Variants in ATRN observed in about 807,000 individuals in gnomAD.
ATRN encodes the protein attractin-2.
Under a neutral mutation model 178.7 loss-of-function variants are expected in ATRN, and 54 were observed. The ratio of observed to expected loss-of-function variants is 0.30; its 90% CI spans 0.24 to 0.38. The LOEUF is 0.38. Among genes scored for constraint, ATRN ranks in the 10% least tolerant of loss-of-function variants. The probability of loss-of-function intolerance (pLI) is 1.00; values close to 1 mark genes in which losing one functional copy is unlikely to be tolerated. For missense variants in ATRN, 1,443 were observed against 1,815.1 expected, an observed-to-expected ratio of 0.79 and a Z score of 3.73; for synonymous variants, 636 against 663.0, an observed-to-expected ratio of 0.96 and a Z score of 0.63.
chr20:3,493,122 TTG>T (rs10601580), intron 1 of ATRN, among the ~76,000 whole-genome samples: 93,692 of 140,978 alleles, frequency 0.66, 31,778 homozygotes, highest in East Asian at 0.96. Flanking sequence ...GTACGTTTGT[TTG>T]TGTGTGTGTG....
intron 8 of ATRN, among the ~76,000 whole-genome samples, chr20:3,561,948 A>C (rs1415674722): frequency 6.6e-6 from 1 of 151,970 alleles, no homozygotes; most frequent in Non-Finnish European, 1.5e-5. Context: ...GCTGGCCAAC[A>C]TAGCAGGCCT....
chr20:3,504,570 A>C (rs976214007), intron 1 of ATRN, among the ~76,000 whole-genome samples: 4 of 150,492 alleles, frequency 2.7e-5, no homozygotes, highest in Non-Finnish European at 1.5e-5. Context: ...CTGTAACCCC[A>C]GCCACTTGGG....
At chr20:3,548,641 C>T (rs911237169) in intron 5 of ATRN, among the ~76,000 whole-genome samples, 5 of 150,686 alleles carry the variant, frequency 3.3e-5, no homozygotes, top group African/African-American at 4.9e-5. Flanking sequence ...ATAAAAGATA[C>T]GCATATGAAA....
rs1356093653 is a variant in ATRN at position 3,632,872 on chromosome 20, C to T, written c.3864-1439C>T. 6.6e-6 allele frequency among the ~76,000 whole-genome samples: 1 copy of T among 152,180 alleles called. No homozygotes were observed. On this transcript the variant is annotated intron_variant, in intron 25 of 28. Coordinates refer to ENST00000262919, the MANE Select transcript of ATRN (RefSeq NM_139321.3). This position sits in a 1 kb window ranked among gnomAD's most constrained non-coding sequence, Gnocchi z 4.2. ...GATTAAAAAGACAATGTAGGCCAGTCACGTGAGGCCTGTAATCTTTGCCAA... is the reference window on the plus strand; with the variant it reads ...GATTAAAAAGACAATGTAGGCCAGTTACGTGAGGCCTGTAATCTTTGCCAA...
At chr20:3,515,929 T>G (rs2146137808) in intron 1 of ATRN, among the ~76,000 whole-genome samples, 1 of 152,254 alleles carries the variant, frequency 6.6e-6, no homozygotes, top group African/African-American at 2.4e-5. Context: ...GTGCATTTAG[T>G]CATGGGAAAA....
At position 3,575,878 on chromosome 20, in the gene ATRN, C is replaced by G; in HGVS notation, c.2144C>G (p.Ala715Gly). ...DQHTDCYSCT[A>G]NTNDCHWCND... ...CACACAGATTGTTACAGCTGCACAG[C>G]CAACACCAATGACTGCCACTGGTGC... Residue 715 changes from alanine (A) to glycine (G), a missense_variant, in exon 13 of 29, where the codon GCC becomes GGC. By Grantham distance (60) the Ala-to-Gly change is moderately conservative. Around this residue, in one of 4 missense-constraint regions of ATRN, gnomAD observed 862 missense variants for 972.1 expected, o/e 0.89. Transcript: ENST00000262919. 1 of 1,614,056 alleles carries G rather than the reference C, an allele frequency of 6.2e-7. No individual in the cohort carries two copies. Among genetic ancestry groups the G allele is most frequent in the Non-Finnish European group, 8.5e-7 (1 of 1,179,972 alleles).
intron 24 of ATRN, among the ~76,000 whole-genome samples, chr20:3,620,896 G>T (rs904670511): frequency 2.6e-5 from 4 of 152,192 alleles, no homozygotes; most frequent in African/African-American, 9.7e-5. Flanking sequence ...TCCAACCCAT[G>T]GCCCGCGGGC....
chr20:3,490,679 G>A lies in ATRN; in HGVS notation c.410+19162G>A. 14 of 822,228 alleles carry A rather than the reference G, an allele frequency of 1.7e-5. No individual in the cohort carries two copies. The South Asian group carries it at 1.9e-4, about 11-fold the overall frequency. The allele number at this position is 822,228 out of a possible 1,614,324, so 50.9% of individuals were successfully genotyped here. On this transcript the variant is annotated intron_variant, in intron 1 of 28. Transcript: ENST00000262919. ...TCACTTGGATTCTCTGAGCCTTCAG[G>A]AGCTCCTCAAATTTCACTGACATTG... is the stretch of plus-strand genomic sequence containing the variant.
At chr20:3,605,960 A>T (rs767265927) in intron 24 of ATRN, among the ~76,000 whole-genome samples, 5 of 152,210 alleles carry the variant, frequency 3.3e-5, no homozygotes, top group Non-Finnish European at 7.3e-5. Flanking sequence ...ATGCCTTGGG[A>T]CTGTGACTAA....
At chr20:3,502,009 T>G (rs928684024) in intron 1 of ATRN, among the ~76,000 whole-genome samples, 1 of 152,156 alleles carries the variant, frequency 6.6e-6, no homozygotes, top group African/African-American at 2.4e-5. Context: ...CCTCAATCCC[T>G]GATTGGATTA....
chr20:3,608,931 C>T (rs2086718200), intron 24 of ATRN, among the ~76,000 whole-genome samples: 1 of 142,356 alleles, frequency 7.0e-6, no homozygotes, highest in African/African-American at 2.6e-5. Context: ...TACGCCACTA[C>T]ATTCTACCCT....
chr20:3,504,567 C>G (rs966211350), intron 1 of ATRN, among the ~76,000 whole-genome samples: 4 of 150,560 alleles, frequency 2.7e-5, no homozygotes, highest in African/African-American at 9.7e-5. Flanking sequence ...TGCCTGTAAC[C>G]CCAGCCACTT....
intron 25 of ATRN, among the ~76,000 whole-genome samples, chr20:3,633,016 G>A (rs1463870139): frequency 6.6e-6 from 1 of 152,170 alleles, no homozygotes; most frequent in African/African-American, 2.4e-5. Flanking sequence ...TGTAGTCCAA[G>A]CTACTCAGGA....
At chr20:3,585,629 T>C (rs1340894039) in intron 18 of ATRN, among the ~76,000 whole-genome samples, 3 of 152,206 alleles carry the variant, frequency 2.0e-5, no homozygotes, top group Non-Finnish European at 4.4e-5. Flanking sequence ...TGCTTTTTCA[T>C]GAATATCACG....
chr20:3,551,149 C>T (rs1007105035), intron 6 of ATRN, among the ~76,000 whole-genome samples: 2 of 152,220 alleles, frequency 1.3e-5, no homozygotes, highest in East Asian at 3.8e-4. Flanking sequence ...CAGATTGGAG[C>T]TGTCTTACCC....
chr20:3,596,751 T>G (rs2086534781), intron 21 of ATRN, among the ~76,000 whole-genome samples: 2 of 152,170 alleles, frequency 1.3e-5, no homozygotes, highest in African/African-American at 4.8e-5. Context: ...GGGGTCATCA[T>G]ATTTCGTGTT....
intron 1 of ATRN, among the ~76,000 whole-genome samples, chr20:3,512,510 T>A (rs1274505162): frequency 6.6e-6 from 1 of 152,176 alleles, no homozygotes; most frequent in African/African-American, 2.4e-5. Context: ...TCTATCATTG[T>A]TGGACATTTG....
At chr20:3,591,139 A>G in intron 18 of ATRN, 30 bp from the exon 19 acceptor site, 1 of 1,611,934 alleles carries the variant, frequency 6.2e-7, no homozygotes, top group Non-Finnish European at 8.5e-7. Context: ...CTTCCATGGT[A>G]CAGACCCCTT....
chr20:3,570,835 A>G (rs2086112016), intron 11 of ATRN, among the ~76,000 whole-genome samples: 1 of 152,200 alleles, frequency 6.6e-6, no homozygotes, highest in East Asian at 1.9e-4. Context: ...AATACGCACA[A>G]TCTAAGCACT....
Sources: gnomAD v4.1 joint callset for allele counts (sites outside exome capture counted in the v4.1 genomes callset) on GRCh38, gnomAD v4.1.1 for gene constraint, gnomAD v4.1.1 regional missense constraint, Gnocchi (gnomAD v3.1) non-coding constraint, MANE v1.5 for transcripts, NCBI Gene and HGNC (gene_info 2026-07-23, HGNC 2026-07-21) for gene names.